Variants in TADA2B observed in about 807,000 individuals in gnomAD.
The protein encoded by TADA2B is transcriptional adapter 2-beta.
A neutral mutation model predicts 34.5 loss-of-function variants in TADA2B; 13 were observed. The observed-to-expected ratio is 0.38, with a 90% confidence interval of 0.25 to 0.60. The LOEUF (loss-of-function observed/expected upper bound fraction) is 0.60, where lower values mean the gene tolerates loss of function less well. TADA2B is among the 20% of genes least tolerant of loss of function. The pLI is 0.65. For missense variants in TADA2B, 442 were observed against 575.0 expected (o/e 0.77, Z 2.37); for synonymous variants, 240 against 243.4 (o/e 0.99, Z 0.13).
At chr4:7,047,365 A>T (rs1454614725) in intron 1 of TADA2B, among the ~76,000 whole-genome samples, 1 of 152,188 alleles carries the variant, frequency 6.6e-6, no homozygotes, top group Non-Finnish European at 1.5e-5. Flanking sequence ...TCAAATGAGC[A>T]TGTGAAGTTC....
chr4:7,048,232 G>T (rs1345805005), intron 1 of TADA2B, among the ~76,000 whole-genome samples: 1 of 152,230 alleles, frequency 6.6e-6, no homozygotes, highest in Non-Finnish European at 1.5e-5. Context: ...CCCCGCCGGG[G>T]CAGGAGCCTC....
At chr4:7,047,470 A>C (rs1723657950) in intron 1 of TADA2B, among the ~76,000 whole-genome samples, 1 of 152,228 alleles carries the variant, frequency 6.6e-6, no homozygotes, top group African/African-American at 2.4e-5. Context: ...GCACCCTTTG[A>C]GATGATGGTG....
rs1281947985 is a variant in TADA2B at position 7,055,325 on chromosome 4, CT to C, written c.*273del. On this transcript the variant is annotated 3_prime_UTR_variant, in exon 2 of 2. Coordinates refer to ENST00000310074, the MANE Select transcript of TADA2B (RefSeq NM_152293.3). ...CCGCCTTTACCCGTTCAGTTGGGAGCTTATTGTGAGATTGGATCATTTCCTT... is the reference window on the plus strand; with the variant it reads ...CCGCCTTTACCCGTTCAGTTGGGAGCTATTGTGAGATTGGATCATTTCCTT... 7 of 390,016 alleles carry C rather than the reference CT, an allele frequency of 1.8e-5. No individual in the cohort carries two copies. Among genetic ancestry groups the C allele is most frequent in the Non-Finnish European group, 3.2e-5 (7 of 218,552 alleles). The allele number at this position is 390,016 out of a possible 1,614,324, so 24.2% of individuals were successfully genotyped here.
rs182267044 is a variant in TADA2B, at chr4:7,044,021, C to G, written c.270+172C>G. Among the ~76,000 whole-genome samples the G allele has an allele frequency of 2.6e-4, 40 of 152,392 alleles. No homozygotes were observed. The East Asian group carries it at 7.1e-3, about 27-fold the overall frequency. On this transcript the variant is annotated intron_variant, in intron 1 of 1. Coordinates refer to ENST00000310074, the MANE Select transcript of TADA2B (RefSeq NM_152293.3). ...TTTATAGTCGGGCACCTGTCGGAAC[C>G]TATGCTCTGAGAGGCTGTGACGCGC... is the stretch of plus-strand genomic sequence containing the variant.
In TADA2B at chr4:7,054,931, C is replaced by G. The variant is rs1723855057; in HGVS notation, c.1140C>G (p.His380Gln). ...TGAAGACTATTATAATTAAAGACCA[C>G]CTCCAGAAGCGGCAAGGAATCCCCT... Reference protein sequence around the residue: ...VTVKTIIIKDHLQKRQGIPSK... With the variant: ...VTVKTIIIKDQLQKRQGIPSK... Residue 380 changes from histidine to glutamine, a missense_variant, in exon 2 of 2, where the codon CAC (histidine) becomes CAG (glutamine). Around this residue, in one of 4 missense-constraint regions of TADA2B, gnomAD observed 114 missense variants for 144.7 expected, o/e 0.79. Transcript: ENST00000310074. The G allele has an allele frequency of 5.0e-6, 8 of 1,613,962 alleles. No individual in the cohort carries two copies. The highest frequency in any genetic ancestry group is 6.8e-6 in the Non-Finnish European group (8 of 1,179,898).
intron 1 of TADA2B, among the ~76,000 whole-genome samples, chr4:7,049,870 G>A (rs931050286): frequency 4.6e-5 from 7 of 152,244 alleles, no homozygotes; most frequent in African/African-American, 1.2e-4. Context: ...TTGCCCGGCC[G>A]CTCTGTCCTG....
intron 1 of TADA2B, chr4:7,053,422 C>T (rs1723812315): frequency 6.6e-6 from 1 of 152,388 alleles, no homozygotes; most frequent in Non-Finnish European, 1.5e-5. Context: ...TCTGCAGTCA[C>T]TGCCTAGGAA....
chr4:7,054,611 C>T lies in TADA2B; in HGVS notation c.820C>T (p.Leu274Phe). ...CATGTCATGCAAGGAGTTTGATGAC[C>T]TTTTTGAAAACATGCACAAAGAAAA... ...QFMSCKEFDD[L>F]FENMHKEKML... The change falls in exon 2 of 2, where the codon CTT becomes TTT. Residue 274 changes from leucine (L) to phenylalanine (F), a missense_variant. Around this residue, in one of 4 missense-constraint regions of TADA2B, gnomAD observed 222 missense variants for 235.2 expected, o/e 0.94. Coordinates refer to ENST00000310074, the MANE Select transcript of TADA2B (RefSeq NM_152293.3). The T allele has an allele frequency of 6.2e-7, 1 of 1,613,888 alleles. No individual in the cohort carries two copies. The highest frequency in any genetic ancestry group is 8.5e-7 in the Non-Finnish European group (1 of 1,179,876).
rs867382512 is a variant in TADA2B, at chr4:7,051,896, C to T, written c.271-2166C>T. On this transcript the variant is annotated intron_variant, in intron 1 of 1. Coordinates refer to ENST00000310074, the MANE Select transcript of TADA2B (RefSeq NM_152293.3). ...ACAGGCGTGAGCCACCGTGCCCAGC[C>T]GTAAGTAAGATATTTTAAAAACATC... Among the ~76,000 whole-genome samples, 10 of 152,346 alleles carry T rather than the reference C, an allele frequency of 6.6e-5. No homozygotes were observed. In the East Asian group the frequency reaches 9.7e-4, roughly 15 times the overall value.
intron 1 of TADA2B, among the ~76,000 whole-genome samples, chr4:7,047,219 C>T (rs371646681): frequency 2.0e-5 from 3 of 152,146 alleles, no homozygotes; most frequent in African/African-American, 7.2e-5. Flanking sequence ...GCAGAGGAGC[C>T]GGAGCTGTTG....
chr4:7,044,035 G>T (rs927253248), intron 1 of TADA2B, among the ~76,000 whole-genome samples, 186 bp downstream of exon 1: 26 of 152,272 alleles, frequency 1.7e-4, no homozygotes, highest in Non-Finnish European at 3.2e-4. Context: ...GCTCTGAGAG[G>T]CTGTGACGCG....
chr4:7,045,543 G>A (rs1451075882), intron 1 of TADA2B: 1 of 152,190 alleles, frequency 6.6e-6, no homozygotes, highest in Non-Finnish European at 1.5e-5. Flanking sequence ...TCCCTTGATC[G>A]TTTTATATTT....
chr4:7,054,774 A>G lies in TADA2B; in HGVS notation c.983A>G (p.Lys328Arg), dbSNP rs1260564608. Residue 328 changes from lysine (K) to arginine (R), a missense_variant, in exon 2 of 2, where the codon AAA becomes AGA. Transcript: ENST00000310074. ...RKENKNLAGS[K>R]RGKEDGKDSE... is the part of the protein sequence containing the mutation. ...GAGAACAAAAACCTAGCCGGCTCCAAACGGGGAAAGGAGGACGGCAAAGAC... is the reference window on the plus strand; with the variant it reads ...GAGAACAAAAACCTAGCCGGCTCCAGACGGGGAAAGGAGGACGGCAAAGAC... 1 of 1,613,836 alleles carries G rather than the reference A, an allele frequency of 6.2e-7. No individual in the cohort carries two copies. Among genetic ancestry groups the G allele is most frequent in the African/African-American group, 1.3e-5 (1 of 74,928 alleles).
intron 1 of TADA2B, among the ~76,000 whole-genome samples, chr4:7,052,318 T>G (rs945502377): frequency 1.9e-4 from 29 of 152,238 alleles, no homozygotes; most frequent in Non-Finnish European, 3.5e-4. Flanking sequence ...ACCCAGGGTT[T>G]CCACCCAACA....
chr4:7,054,146 C>G lies in TADA2B; in HGVS notation c.355C>G (p.Leu119Val). The G allele has an allele frequency of 6.2e-7, 1 of 1,604,628 alleles. No individual in the cohort carries two copies. Among genetic ancestry groups the G allele is most frequent in the Admixed American group, 1.7e-5 (1 of 58,736 alleles). The change falls in exon 2 of 2, where the codon CTG becomes GTG. Residue 119 changes from leucine (L) to valine (V), a missense_variant. Leu to Val is a conservative substitution (Grantham distance 32). This residue lies in a region of TADA2B where 102 missense variants were observed against 177.2 expected (regional missense o/e 0.58). Transcript: ENST00000310074. ...CGTGAGCATGTACATCCACGGGAAC[C>G]TGGGGAAGGCCTGCATCCCCGACAC... ...HYVSMYIHGN[L>V]GKACIPDTIP...
At chr4:7,045,659 C>T (rs532060515) in intron 1 of TADA2B, 2 of 152,358 alleles carry the variant, frequency 1.3e-5, no homozygotes, top group African/African-American at 4.8e-5. Context: ...CAGCACTTAC[C>T]TCTACGTTAG....
intron 1 of TADA2B, among the ~76,000 whole-genome samples, chr4:7,050,386 C>G (rs1227440638): frequency 2.6e-5 from 4 of 152,268 alleles, no homozygotes; most frequent in Admixed American, 2.0e-4. Context: ...CTCCCTTACA[C>G]CGAGCTCCCT....
rs1344328579 is a variant in TADA2B at position 7,055,343 on chromosome 4, C to T, written c.*289C>T. 1 of 328,268 alleles carries T rather than the reference C, an allele frequency of 3.0e-6. No individual in the cohort carries two copies. The highest frequency in any genetic ancestry group is 5.6e-6 in the Non-Finnish European group (1 of 179,896). 20.3% of individuals were successfully genotyped at this position (328,268 alleles called of 1,614,324 possible). ...TTGGGAGCTTATTGTGAGATTGGAT[C>T]ATTTCCTTTTGAGTGTTCTTCTCTT... On this transcript the variant is annotated 3_prime_UTR_variant, in exon 2 of 2. Transcript: ENST00000310074.
In TADA2B at chr4:7,055,123, G is replaced by T; in HGVS notation, c.*69G>T. 6.8e-7 allele frequency: 1 copy of T among 1,468,240 alleles called. No homozygotes were observed. Among genetic ancestry groups the T allele is most frequent in the Non-Finnish European group, 9.1e-7 (1 of 1,099,172 alleles). The allele number at this position is 1,468,240 out of a possible 1,614,324, so 91.0% of individuals were successfully genotyped here. A position where few individuals can be genotyped will look rare whatever the true frequency, so the allele number is the denominator to read the frequency against. On this transcript the variant is annotated 3_prime_UTR_variant, in exon 2 of 2. Coordinates refer to ENST00000310074, the MANE Select transcript of TADA2B (RefSeq NM_152293.3). ...CCAGCCAAAATGACTTGGGGGAGGG[G>T]AGCCGCTTCCCCACTGTTGCTCTTT...
Sources: gnomAD v4.1 joint callset for allele counts (sites outside exome capture counted in the v4.1 genomes callset) on GRCh38, gnomAD v4.1.1 for gene constraint, gnomAD v4.1.1 regional missense constraint, MANE v1.5 for transcripts, NCBI Gene and HGNC (gene_info 2026-07-23, HGNC 2026-07-21) for gene names.